DMD: variants seen among roughly 807,000 people sequenced by gnomAD.
The protein encoded by DMD is mutant dystrophin.
DMD carries 63 observed loss-of-function variants against 330.1 expected under a neutral mutation model. The ratio of observed to expected loss-of-function variants is 0.19; its 90% confidence interval spans 0.16 to 0.24. The LOEUF is 0.24. Among genes scored for constraint, DMD ranks in the 10% least tolerant of loss-of-function variants. The pLI is 1.00. For synonymous variants in DMD, 1,223 were observed against 959.8 expected, an observed-to-expected ratio of 1.27 and a Z score of -5.07; for missense variants, 3,344 against 2,684.1, an observed-to-expected ratio of 1.25 and a Z score of -5.43.
At chrX:32,411,695 C>T (rs888334145) in intron 30 of DMD, 57 bp downstream of exon 30, 12 of 1,163,293 alleles carry the variant, frequency 1.0e-5, no homozygotes, top group South Asian at 1.8e-5. Flanking sequence ...AACACTGCAA[C>T]ATTTTGTTGA....
chrX:33,299,622 C>CAGGTAAAGAACAGGGAG (rs1269880583), intron 1 of DMD, among the ~76,000 whole-genome samples: 1 of 111,175 alleles, frequency 9.0e-6, no homozygotes, highest in African/African-American at 3.3e-5. Context: ...TAGGGGTGGA[C>CAGGTAAAGAACAGGGAG]AGGTAAAGAA....
At chrX:32,895,305 A>G (rs59552364) in intron 2 of DMD, among the ~76,000 whole-genome samples, 1,614 of 112,610 alleles carry the variant, frequency 0.014, 21 homozygotes, top group African/African-American at 0.05. Flanking sequence ...GAGCTATATG[A>G]AAGTGACAAA....
intron 12 of DMD, among the ~76,000 whole-genome samples, chrX:32,599,720 T>TACATAC (rs1224830695): frequency 3.6e-5 from 4 of 111,912 alleles, no homozygotes; most frequent in Non-Finnish European, 5.6e-5. Context: ...TTCCAGATTG[T>TACATAC]ACATACACAT....
intron 2 of DMD, among the ~76,000 whole-genome samples, chrX:32,963,001 C>T (rs2091965889): frequency 9.0e-6 from 1 of 111,512 alleles, no homozygotes; most frequent in African/African-American, 3.3e-5. Context: ...CTTCTGCCTG[C>T]AAGAAGCGTC....
At chrX:31,782,174 T>C (rs1483689851) in intron 50 of DMD, among the ~76,000 whole-genome samples, 2 of 111,294 alleles carry the variant, frequency 1.8e-5, no homozygotes, top group South Asian at 7.5e-4. Context: ...GGAGAGTAAA[T>C]GTCCACAGAT....
At chrX:31,824,194 A>G (rs1228520265) in intron 49 of DMD, among the ~76,000 whole-genome samples, 1 of 112,184 alleles carries the variant, frequency 8.9e-6, no homozygotes, top group East Asian at 2.8e-4. Context: ...ATTGTGGGGA[A>G]TTGAGGCCAA....
At chrX:31,300,729 A>G (rs1294912088) in intron 62 of DMD, among the ~76,000 whole-genome samples, 1 of 112,235 alleles carries the variant, frequency 8.9e-6, no homozygotes, top group African/African-American at 3.2e-5. Flanking sequence ...GCACTTAAAT[A>G]TTTTTAATCT....
intron 7 of DMD, among the ~76,000 whole-genome samples, chrX:32,790,582 A>C (rs781259612): frequency 9.0e-6 from 1 of 111,127 alleles, no homozygotes; most frequent in Non-Finnish European, 1.9e-5. Flanking sequence ...CTATCTCCAC[A>C]TTCCTGGAGT....
intron 11 of DMD, among the ~76,000 whole-genome samples, 158 bp downstream of exon 11, chrX:32,643,974 T>A (rs1319910915): frequency 8.9e-5 from 10 of 111,995 alleles, no homozygotes; most frequent in Non-Finnish European, 3.8e-5. Flanking sequence ...AAAACCAAAA[T>A]GTTATTTCTA....
intron 1 of DMD, among the ~76,000 whole-genome samples, chrX:33,260,418 T>C (rs769916900): frequency 2.4e-4 from 27 of 111,627 alleles, no homozygotes; most frequent in African/African-American, 7.8e-4. Context: ...TTCAGTAACA[T>C]AGACAACAGC....
chrX:32,403,662 G>A (rs1226754629), intron 30 of DMD, among the ~76,000 whole-genome samples: 1 of 111,609 alleles, frequency 9.0e-6, no homozygotes, highest in African/African-American at 3.3e-5. Context: ...CTTAAATGGA[G>A]AGTAATAAGT....
rs753831069 is a variant in DMD at position 31,989,330 on chromosome X, T to A, written c.6439-20816A>T. Among the ~76,000 whole-genome samples, 4 of 112,483 alleles carry A rather than the reference T, an allele frequency of 3.6e-5. No individual in the cohort carries two copies. In the East Asian group the frequency reaches 1.1e-3, roughly 31 times the overall value. On this transcript the variant is annotated intron_variant, in intron 44 of 78. Transcript: ENST00000357033. ...CAGAAATTAAGTAATTTGTTGAAGT[T>A]AAATTGATAGACTTGAGATTTTTAA...
At chrX:32,703,625 C>A (rs1357179291) in intron 7 of DMD, among the ~76,000 whole-genome samples, 2 of 111,299 alleles carry the variant, frequency 1.8e-5, no homozygotes, top group Non-Finnish European at 3.8e-5. Context: ...ATGTTATGGA[C>A]TTCGGGGTAA....
At chrX:32,834,850 T>A (rs2079472134) in intron 4 of DMD, among the ~76,000 whole-genome samples, 1 of 111,568 alleles carries the variant, frequency 9.0e-6, no homozygotes, top group Non-Finnish European at 1.9e-5. Flanking sequence ...ACACTATACC[T>A]TTTGTATGAA....
intron 48 of DMD, among the ~76,000 whole-genome samples, chrX:31,872,194 A>C (rs1430724539): frequency 1.8e-5 from 2 of 110,130 alleles, no homozygotes; most frequent in African/African-American, 3.3e-5. Flanking sequence ...AGAGGACTGA[A>C]GCCAAGGAGT....
At chrX:33,080,974 T>TCTCACACACACACA (rs2094919485) in intron 1 of DMD, among the ~76,000 whole-genome samples, 2 of 92,705 alleles carry the variant, frequency 2.2e-5, no homozygotes, top group African/African-American at 8.0e-5. Flanking sequence ...TTTATAAACA[T>TCTCACACACACACA]CACACACACA....
intron 9 of DMD, among the ~76,000 whole-genome samples, chrX:32,672,359 G>A (rs2061684634): frequency 1.8e-5 from 2 of 110,881 alleles, no homozygotes; most frequent in Non-Finnish European, 1.9e-5. Context: ...AATAAAATTA[G>A]ACACACACAC....
At chrX:31,127,549 A>G (rs2033891524) in intron 77 of DMD, among the ~76,000 whole-genome samples, 1 of 112,025 alleles carries the variant, frequency 8.9e-6, no homozygotes, top group Non-Finnish European at 1.9e-5. Flanking sequence ...AAACTGTTTT[A>G]ACTATAGCAA....
chrX:32,035,838 A>G (rs745684739), intron 44 of DMD, among the ~76,000 whole-genome samples: 1 of 106,952 alleles, frequency 9.3e-6, no homozygotes, highest in Admixed American at 9.8e-5. Flanking sequence ...TCATGTCCCA[A>G]CGAAAAAAAC....
Sources: allele counts gnomAD v4.1 joint callset (sites outside exome capture counted in the v4.1 genomes callset), GRCh38; gene constraint gnomAD v4.1.1; transcripts MANE v1.5; gene names NCBI Gene and HGNC (gene_info 2026-07-23, HGNC 2026-07-21).